Variants in MOSMO observed in about 807,000 individuals in gnomAD.
MOSMO encodes the protein modulator of smoothened.
In MOSMO, 5 loss-of-function variants were observed where a neutral mutation model predicts 18.4. The ratio of observed to expected loss-of-function variants is 0.27; its 90% CI spans 0.14 to 0.57. The LOEUF (loss-of-function observed/expected upper bound fraction) is 0.57, where lower values mean the gene tolerates loss of function less well. Among genes scored for constraint, MOSMO ranks in the 20% least tolerant of loss-of-function variants. The pLI is 0.92. For synonymous variants in MOSMO, 82 were observed against 82.3 expected (o/e 1.00, Z 0.02); for missense variants, 138 against 211.8 (o/e 0.65, Z 2.16).
At chr16:22,069,194 TCTA>T (rs1900800599) in intron 1 of MOSMO, among the ~76,000 whole-genome samples, 2 of 152,296 alleles carry the variant, frequency 1.3e-5, no homozygotes, top group East Asian at 3.9e-4. Context: ...AACTGGAATT[TCTA>T]GTCATAGGTA....
At chr16:22,016,230 A>G (rs534087798) in intron 1 of MOSMO, among the ~76,000 whole-genome samples, 1 of 152,158 alleles carries the variant, frequency 6.6e-6, no homozygotes, top group Admixed American at 6.5e-5. Flanking sequence ...TTGATTTTTC[A>G]GCTATAAAAT....
At chr16:22,012,653 C>T (rs1899555344) in intron 1 of MOSMO, among the ~76,000 whole-genome samples, 1 of 150,710 alleles carries the variant, frequency 6.6e-6, no homozygotes, top group Non-Finnish European at 1.5e-5. Flanking sequence ...CTTTCTCTGT[C>T]ACTTCCGTGC....
chr16:22,022,177 G>A (rs965567472), intron 1 of MOSMO, among the ~76,000 whole-genome samples: 7 of 150,930 alleles, frequency 4.6e-5, no homozygotes, highest in Admixed American at 4.0e-4. Flanking sequence ...TTGGCTGCCC[G>A]TATCACTTTT....
At chr16:22,089,196 T>C (rs923003381), downstream of MOSMO, among the ~76,000 whole-genome samples, 5 of 152,074 alleles carry the variant, frequency 3.3e-5, no homozygotes, top group African/African-American at 1.2e-4. Context: ...GCTTCCCAAG[T>C]AGCTGGGACC....
intron 1 of MOSMO, among the ~76,000 whole-genome samples, chr16:22,040,258 G>C (rs1256799271): frequency 1.3e-5 from 2 of 152,126 alleles, no homozygotes; most frequent in African/African-American, 4.8e-5. Flanking sequence ...ACACACACTA[G>C]GGCCTATCCG....
rs866196801 is a variant in MOSMO, at chr16:22,031,616, G to A, written c.106+23209G>A. Among the ~76,000 whole-genome samples the A allele has an allele frequency of 3.3e-5, 5 of 152,304 alleles. No homozygotes were observed. In the Middle Eastern group the frequency reaches 0.014, roughly 414 times the overall value. On this transcript the variant is annotated intron_variant, in intron 1 of 2. Transcript: ENST00000542527. ...TATTTCATATAAAGGAAATGATAACGTGGTCTTTTGTGACTGGCTTCTGTC... is the reference window on the plus strand; with the variant it reads ...TATTTCATATAAAGGAAATGATAACATGGTCTTTTGTGACTGGCTTCTGTC...
chr16:22,015,510 G>A (rs979693194), intron 1 of MOSMO, among the ~76,000 whole-genome samples: 1 of 152,114 alleles, frequency 6.6e-6, no homozygotes, highest in Non-Finnish European at 1.5e-5. Context: ...TGAAGATAAA[G>A]TGATTAAAGA....
At chr16:22,036,850 T>G (rs1224014804) in intron 1 of MOSMO, among the ~76,000 whole-genome samples, 1 of 152,212 alleles carries the variant, frequency 6.6e-6, no homozygotes, top group Admixed American at 6.5e-5. Flanking sequence ...GGAGGCTATT[T>G]TAATATGAAT....
intron 1 of MOSMO, among the ~76,000 whole-genome samples, chr16:22,025,380 A>G (rs1001426531): frequency 1.8e-4 from 28 of 152,192 alleles, no homozygotes; most frequent in Non-Finnish European, 3.2e-4. Context: ...CTTTATTGTA[A>G]TAAATATTAA....
chr16:22,047,735 GT>G (rs1201738521), intron 1 of MOSMO, among the ~76,000 whole-genome samples: 1 of 152,152 alleles, frequency 6.6e-6, no homozygotes, highest in Non-Finnish European at 1.5e-5. Flanking sequence ...TAGAAAGGCA[GT>G]TGTGTCAGGT....
At chr16:22,008,957 G>A (rs532439732) in intron 1 of MOSMO, among the ~76,000 whole-genome samples, 8 of 152,178 alleles carry the variant, frequency 5.3e-5, no homozygotes, top group Non-Finnish European at 1.0e-4. Flanking sequence ...GCGGCCGGGG[G>A]CGAGCCCGGG....
At chr16:22,061,501 G>C (rs938533630) in intron 1 of MOSMO, among the ~76,000 whole-genome samples, 3 of 152,122 alleles carry the variant, frequency 2.0e-5, no homozygotes, top group African/African-American at 7.2e-5. Context: ...TATGTATTGT[G>C]CTTTTTAACT....
chr16:22,091,048 ATGT>A (rs1014382654), downstream of MOSMO, among the ~76,000 whole-genome samples: 7 of 151,968 alleles, frequency 4.6e-5, no homozygotes, highest in African/African-American at 1.2e-4. Flanking sequence ...AAAAAAAAAA[ATGT>A]TGTCAAAATT....
intron 1 of MOSMO, among the ~76,000 whole-genome samples, chr16:22,067,186 AAAG>A (rs1900763008): frequency 6.6e-6 from 1 of 152,106 alleles, no homozygotes; most frequent in Non-Finnish European, 1.5e-5. Flanking sequence ...TGAGGAACAG[AAAG>A]AAGAAATAAT....
At chr16:22,025,772 A>G (rs1488672637) in intron 1 of MOSMO, among the ~76,000 whole-genome samples, 1 of 152,212 alleles carries the variant, frequency 6.6e-6, no homozygotes, top group Non-Finnish European at 1.5e-5. Flanking sequence ...GCTGTTGAAG[A>G]AGCATATTCA....
chr16:22,009,967 G>A (rs1340149488), intron 1 of MOSMO, among the ~76,000 whole-genome samples: 2 of 151,956 alleles, frequency 1.3e-5, no homozygotes, highest in Non-Finnish European at 2.9e-5. Context: ...CTCCAGCCTG[G>A]GCGACAGAGC....
chr16:22,028,217 A>G (rs1432134183), intron 1 of MOSMO, among the ~76,000 whole-genome samples: 1 of 152,148 alleles, frequency 6.6e-6, no homozygotes, highest in Non-Finnish European at 1.5e-5. Flanking sequence ...GTATGCATAT[A>G]TATCCATCCA....
At chr16:22,049,097 G>C (rs367997586) in intron 1 of MOSMO, among the ~76,000 whole-genome samples, 1 of 152,210 alleles carries the variant, frequency 6.6e-6, no homozygotes, top group Non-Finnish European at 1.5e-5. Context: ...AGAAATTTAT[G>C]TTTTTACTGG....
chr16:22,079,266 C>A (rs556086662), intron 2 of MOSMO, among the ~76,000 whole-genome samples: 1 of 152,074 alleles, frequency 6.6e-6, no homozygotes, highest in South Asian at 2.1e-4. Flanking sequence ...GAGGTGAAAA[C>A]GCATTCAGTT....
Sources: gnomAD v4.1 joint callset for allele counts (sites outside exome capture counted in the v4.1 genomes callset) on GRCh38, gnomAD v4.1.1 for gene constraint, MANE v1.5 for transcripts, NCBI Gene and HGNC (gene_info 2026-07-23, HGNC 2026-07-21) for gene names.